Variants in SMG5 observed in about 807,000 individuals in gnomAD.
SMG5 encodes the protein nonsense-mediated mRNA decay factor SMG5.
A neutral mutation model predicts 122.9 loss-of-function variants in SMG5; 53 were observed. That is an observed-to-expected ratio of 0.43 (90% CI 0.35 to 0.54). SMG5 has a LOEUF of 0.54. SMG5 is among the 20% of genes least tolerant of loss of function. The pLI, the probability that SMG5 is intolerant of heterozygous loss-of-function variation, is 0.01. For synonymous variants in SMG5, 477 were observed against 490.2 expected (o/e 0.97, Z 0.35); for missense variants, 1,153 against 1,285.6 (o/e 0.90, Z 1.58).
At position 156,251,469 on chromosome 1, in the gene SMG5, C is replaced by A; in HGVS notation, c.2762G>T (p.Arg921Leu). 2 of 1,614,034 alleles carry A rather than the reference C, an allele frequency of 1.2e-6. No individual in the cohort carries two copies. The highest frequency in any genetic ancestry group is 2.2e-5 in the East Asian group (1 of 44,882). ...GCTCTTTCCCACCTCTTTCTGGCAG[C>A]GAATGTACCTGCAGAGGAGATGTGC... The part of the protein sequence containing the change: ...AEFKKGNRYI[R>L]CQKEVGKSFE... Residue 921 changes from arginine (R) to leucine (L), a missense_variant, in exon 20 of 22, where the codon CGC becomes CTC. This residue lies in a region of SMG5 where 140 missense variants were observed against 227.8 expected (regional missense o/e 0.61). Coordinates refer to ENST00000361813, the MANE Select transcript of SMG5 (RefSeq NM_015327.3).
chr1:156,261,247 AGGGC>A, intron 14 of SMG5, 82 bp downstream of exon 14: 1 of 1,312,578 alleles, frequency 7.6e-7, no homozygotes, highest in Admixed American at 1.7e-5. Context: ...CCTTACCCCA[AGGGC>A]TGGGTTATGG....
intron 16 of SMG5, among the ~76,000 whole-genome samples, chr1:156,254,395 G>T (rs1050694341): frequency 1.3e-5 from 2 of 152,168 alleles, no homozygotes; most frequent in African/African-American, 2.4e-5. Flanking sequence ...GCTAAGGATG[G>T]GGACTTTATC....
At chr1:156,272,738 G>A (rs1017215335) in intron 6 of SMG5, among the ~76,000 whole-genome samples, 6 of 151,982 alleles carry the variant, frequency 3.9e-5, no homozygotes, top group South Asian at 2.1e-4. Flanking sequence ...CACCATGCCC[G>A]GCTAATTTTT....
chr1:156,261,453 G>A (rs773700130), intron 13 of SMG5, 45 bp from the exon 14 acceptor site: 1 of 1,529,382 alleles, frequency 6.5e-7, no homozygotes, highest in Non-Finnish European at 9.1e-7. Context: ...AGAGACAGTG[G>A]TGGAGAACAG....
At chr1:156,266,722 G>A (rs769787193) in intron 10 of SMG5, 44 bp from the exon 11 acceptor site, 3 of 1,610,510 alleles carry the variant, frequency 1.9e-6, no homozygotes, top group Non-Finnish European at 2.5e-6. Flanking sequence ...GGGCCCTGAT[G>A]AGGAGTAGGC....
At chr1:156,262,287 T>C (rs999090648) in intron 13 of SMG5, among the ~76,000 whole-genome samples, 1 of 151,906 alleles carries the variant, frequency 6.6e-6, no homozygotes, top group African/African-American at 2.4e-5. Flanking sequence ...AAGACCATCC[T>C]GGCTAACATG....
chr1:156,261,950 T>C (rs1419025607), intron 13 of SMG5, among the ~76,000 whole-genome samples: 1 of 149,816 alleles, frequency 6.7e-6, no homozygotes, highest in African/African-American at 2.5e-5. Flanking sequence ...TAGCCCCAGC[T>C]ACTGGGGAGG....
In SMG5 at chr1:156,251,008, G is replaced by A; in HGVS notation, c.2829-12C>T. 4 of 1,611,590 alleles carry A rather than the reference G, an allele frequency of 2.5e-6. No homozygotes were observed. Among genetic ancestry groups the A allele is most frequent in the Non-Finnish European group, 3.4e-6 (4 of 1,178,292 alleles). On this transcript the variant is annotated splice_polypyrimidine_tract_variant and intron_variant, in intron 20 of 21. Transcript: ENST00000361813. ...TCTTATAGAGAGTCCTGGGGATGGG[G>A]GGCAGAGGGGAAGATGGGCCAAGAC... is the stretch of plus-strand genomic sequence containing the variant.
chr1:156,253,004 A>G lies in SMG5; in HGVS notation c.2577T>C (p.Pro859=). 6.2e-7 allele frequency: 1 copy of G among 1,613,338 alleles called. No homozygotes were observed. The highest frequency in any genetic ancestry group is 8.5e-7 in the Non-Finnish European group (1 of 1,179,778). The part of the protein sequence containing the change: ...AQSAMSPYLV[P]DTQALCHHLP... ...GATGGTGGCAGAGGGCCTGGGTGTC[A>G]GGGACGAGGTAGGGAGACATGGCTG... Residue 859 remains proline, a synonymous_variant, in exon 18 of 22, where the codon CCT becomes CCC. Transcript: ENST00000361813.
At chr1:156,253,152 AG>A (rs767259052) in intron 17 of SMG5, 74 bp from the exon 18 acceptor site, 56 of 1,470,936 alleles carry the variant, frequency 3.8e-5, no homozygotes, top group Non-Finnish European at 5.1e-5. Flanking sequence ...GTGGTGCTCA[AG>A]GTGGCTCTAT....
chr1:156,267,806 A>G, intron 9 of SMG5, 128 bp from the exon 10 acceptor site: 1 of 831,888 alleles, frequency 1.2e-6, no homozygotes, highest in Non-Finnish European at 1.9e-6. Flanking sequence ...ACACCAGGGA[A>G]GGGTAGTGCT....
chr1:156,272,616 A>G (rs1327402635), intron 6 of SMG5, among the ~76,000 whole-genome samples: 3 of 151,490 alleles, frequency 2.0e-5, no homozygotes, highest in Non-Finnish European at 4.4e-5. Flanking sequence ...TCTGTCGCCC[A>G]GGCTGGAGTG....
the SMG5 span, chr1:156,290,761 G>A: frequency 0.21 from 32,277 of 151,042 alleles, 3,666 homozygotes; most frequent in Admixed American, 0.31. Flanking sequence ...CCCGGGAGGC[G>A]GAGGTTGCAG....
chr1:156,267,609 G>A lies in SMG5; in HGVS notation c.978C>T (p.Tyr326=). ...VLEDFNLCLF[Y]LPSSPNLSLA... ...GGCTGAGGTTGGGTGAGGAGGGCAG[G>A]TAGAAGAGGCAGAGGTTGAAGTCCT... Residue 326 remains tyrosine, a synonymous_variant, in exon 10 of 22, where the codon TAC becomes TAT. Coordinates refer to ENST00000361813, the MANE Select transcript of SMG5 (RefSeq NM_015327.3). 2 of 1,613,862 alleles carry A rather than the reference G, an allele frequency of 1.2e-6. No homozygotes were observed. The highest frequency in any genetic ancestry group is 1.7e-6 in the Non-Finnish European group (2 of 1,179,934).
chr1:156,285,692 T>G, upstream of SMG5: 1 of 1,613,350 alleles, frequency 6.2e-7, no homozygotes, highest in Non-Finnish European at 8.5e-7. Flanking sequence ...CGAGGGCGAG[T>G]GCCGAACCTT....
rs749935376 is a variant in SMG5 at position 156,250,775 on chromosome 1, C to A, written c.2967+83G>T. 2.5e-6 allele frequency: 4 copies of A among 1,604,286 alleles called. No homozygotes were observed. The South Asian group carries it at 4.4e-5, about 18-fold the overall frequency. ...AGTGATGGAAGAGAAAAAAAGGTAGCTATGTGGAGGGTCTGGGGATGGAGT... is the reference window on the plus strand; with the variant it reads ...AGTGATGGAAGAGAAAAAAAGGTAGATATGTGGAGGGTCTGGGGATGGAGT... On this transcript the variant is annotated intron_variant, in intron 21 of 21. Transcript: ENST00000361813.
upstream of SMG5, chr1:156,285,661 T>C (rs1346719988): frequency 6.2e-7 from 1 of 1,613,928 alleles, no homozygotes; most frequent in Non-Finnish European, 8.5e-7. Flanking sequence ...AAGAAGACCT[T>C]ATCGTGCGCT....
chr1:156,267,652 A>C lies in SMG5; in HGVS notation c.935T>G (p.Leu312Arg), dbSNP rs749034914. 67 of 1,611,474 alleles carry C rather than the reference A, an allele frequency of 4.2e-5. No homozygotes were observed. Among genetic ancestry groups the C allele is most frequent in the Non-Finnish European group, 5.2e-5 (61 of 1,179,350 alleles). Residue 312 changes from leucine (L) to arginine (R), a missense_variant, in exon 10 of 22, where the codon CTT (leucine) becomes CGT (arginine). Physicochemically the swap from Leu to Arg is moderately radical, Grantham distance 102 (BLOSUM62 -2). Coordinates refer to ENST00000361813, the MANE Select transcript of SMG5 (RefSeq NM_015327.3). Reference protein sequence around the residue: ...SSSVDSELTSLCQSVLEDFNL... With the variant: ...SSSVDSELTSRCQSVLEDFNL... The stretch of plus-strand genomic sequence containing the variant: ...GAAGTCCTCCAGGACTGACTGGCAA[A>C]GTGAGGTCAGCTCTGAGTCCACGGA...
chr1:156,263,109 A>G (rs566456122), intron 13 of SMG5, among the ~76,000 whole-genome samples: 1 of 152,204 alleles, frequency 6.6e-6, no homozygotes, highest in East Asian at 1.9e-4. Flanking sequence ...TTGAACACAT[A>G]CTTCTACCGG....
Sources: allele counts gnomAD v4.1 joint callset (sites outside exome capture counted in the v4.1 genomes callset), GRCh38; gene constraint gnomAD v4.1.1; regional missense constraint gnomAD v4.1.1; transcripts MANE v1.5; gene names NCBI Gene and HGNC (gene_info 2026-07-23, HGNC 2026-07-21).